Variants in NSMCE2 observed in about 807,000 individuals in gnomAD.
The protein encoded by NSMCE2 is NSE2 SUMO ligase component of SMC5/6 complex, also known as E3 SUMO-protein ligase NSE2.
A neutral mutation model predicts 23.8 loss-of-function variants in NSMCE2; 24 were observed. The ratio of observed to expected loss-of-function variants is 1.01; its 90% confidence interval spans 0.73 to 1.42. The LOEUF is 1.42. Ranked by LOEUF, NSMCE2 falls within the 40% of genes most tolerant of loss-of-function variation. The pLI is 0.00. For synonymous variants in NSMCE2, 92 were observed against 94.1 expected, an observed-to-expected ratio of 0.98 and a Z score of 0.13; for missense variants, 284 against 296.5, an observed-to-expected ratio of 0.96 and a Z score of 0.31.
At chr8:125,315,655 T>TGTAA (rs1829149346) in intron 5 of NSMCE2, among the ~76,000 whole-genome samples, 2 of 152,170 alleles carry the variant, frequency 1.3e-5, no homozygotes, top group African/African-American at 4.8e-5. Flanking sequence ...CCTAAGGAAA[T>TGTAA]GTAAGAGTTT....
At chr8:125,154,983 GA>G (rs1217074833) in intron 4 of NSMCE2, among the ~76,000 whole-genome samples, 2 of 152,052 alleles carry the variant, frequency 1.3e-5, no homozygotes, top group Non-Finnish European at 2.9e-5. Flanking sequence ...ATGAACATTT[GA>G]ATAAATACTC....
chr8:125,255,986 A>G (rs1271770923), intron 5 of NSMCE2, among the ~76,000 whole-genome samples: 3 of 152,184 alleles, frequency 2.0e-5, no homozygotes, highest in Non-Finnish European at 2.9e-5. Context: ...TTTAGAGGGT[A>G]AAAAGAATAC....
intron 5 of NSMCE2, among the ~76,000 whole-genome samples, chr8:125,237,581 A>G (rs1438313603): frequency 1.3e-5 from 2 of 152,226 alleles, no homozygotes; most frequent in African/African-American, 4.8e-5. Context: ...TCAAGGAGAT[A>G]ATTCACTATC....
At chr8:125,092,816 G>A (rs1817734086) in intron 1 of NSMCE2, among the ~76,000 whole-genome samples, 1 of 152,180 alleles carries the variant, frequency 6.6e-6, no homozygotes, top group South Asian at 2.1e-4. Flanking sequence ...CCTGGGGAGG[G>A]ATCCAAGAGA....
At chr8:125,234,061 C>T (rs1463165327) in intron 5 of NSMCE2, among the ~76,000 whole-genome samples, 1 of 150,076 alleles carries the variant, frequency 6.7e-6, no homozygotes, top group Non-Finnish European at 1.5e-5. Flanking sequence ...GGTATGGTGT[C>T]AGGCGCCTGT....
At chr8:125,145,281 T>C (rs1820611221) in intron 3 of NSMCE2, among the ~76,000 whole-genome samples, 1 of 152,110 alleles carries the variant, frequency 6.6e-6, no homozygotes. Flanking sequence ...ACATGCAGGT[T>C]TATAGGATGA....
intron 5 of NSMCE2, among the ~76,000 whole-genome samples, chr8:125,294,398 C>T (rs565630399): frequency 9.4e-4 from 143 of 152,140 alleles, no homozygotes; most frequent in Non-Finnish European, 1.8e-3. Context: ...AAAAGGACTG[C>T]GCCATTTTAC....
chr8:125,147,316 A>G (rs1418977423), intron 3 of NSMCE2, among the ~76,000 whole-genome samples: 3 of 152,228 alleles, frequency 2.0e-5, no homozygotes, highest in Non-Finnish European at 4.4e-5. Flanking sequence ...GTGAAAGTTT[A>G]ATTTTCAGAT....
At chr8:125,361,714 C>T (rs1394221075) in intron 7 of NSMCE2, among the ~76,000 whole-genome samples, 1 of 152,182 alleles carries the variant, frequency 6.6e-6, no homozygotes, top group Non-Finnish European at 1.5e-5. Flanking sequence ...GAGCGCTAAA[C>T]AAATAGCTGT....
chr8:125,173,086 T>A (rs1822300825), intron 4 of NSMCE2, among the ~76,000 whole-genome samples: 1 of 152,220 alleles, frequency 6.6e-6, no homozygotes, highest in Non-Finnish European at 1.5e-5. Context: ...AACAATCTTC[T>A]TTACCCTTGA....
chr8:125,239,435 C>A (rs1276971117), intron 5 of NSMCE2, among the ~76,000 whole-genome samples: 1 of 151,810 alleles, frequency 6.6e-6, no homozygotes, highest in Non-Finnish European at 1.5e-5. Flanking sequence ...ATGATAAAGC[C>A]CCATCTCTAT....
At chr8:125,317,720 T>C (rs987651892) in intron 5 of NSMCE2, among the ~76,000 whole-genome samples, 5 of 152,228 alleles carry the variant, frequency 3.3e-5, no homozygotes, top group African/African-American at 1.2e-4. Context: ...GTATTTCACT[T>C]GTTAATTATG....
chr8:125,136,815 A>C (rs1183580303), intron 3 of NSMCE2, among the ~76,000 whole-genome samples: 2 of 152,126 alleles, frequency 1.3e-5, no homozygotes, highest in African/African-American at 4.8e-5. Context: ...ACAATCTTGG[A>C]AGTCACTGAT....
rs977543094 is a variant in NSMCE2 at position 125,298,956 on chromosome 8, G to A, written c.419-58263G>A. ...TAGTTGTTCCTCCGATCCTTAAAAT[G>A]AACTTCCTTGCCCCCATTTATTGCT... On this transcript the variant is annotated intron_variant, in intron 5 of 7. Coordinates refer to ENST00000287437, the MANE Select transcript of NSMCE2 (RefSeq NM_173685.4). Among the ~76,000 whole-genome samples, 7 of 152,254 alleles carry A rather than the reference G, an allele frequency of 4.6e-5. No homozygotes were observed. The East Asian group carries it at 1.3e-3, about 29-fold the overall frequency.
intron 5 of NSMCE2, among the ~76,000 whole-genome samples, chr8:125,305,338 A>G (rs145813037): frequency 8.9e-4 from 135 of 152,308 alleles, no homozygotes; most frequent in Admixed American, 2.9e-3. Context: ...ATAGCTAGCT[A>G]GTCAGTGTCT....
At chr8:125,259,143 C>T (rs921491277) in intron 5 of NSMCE2, among the ~76,000 whole-genome samples, 4 of 151,990 alleles carry the variant, frequency 2.6e-5, no homozygotes, top group East Asian at 1.9e-4. Context: ...TCAGGTGATC[C>T]GCCCACTTCA....
chr8:125,194,931 T>A (rs980291500), intron 5 of NSMCE2, among the ~76,000 whole-genome samples: 14 of 152,206 alleles, frequency 9.2e-5, no homozygotes, highest in Admixed American at 8.5e-4. Context: ...GCATATCTTC[T>A]ACATTTATTC....
chr8:125,337,884 C>CAAAAA (rs35658538), intron 5 of NSMCE2, among the ~76,000 whole-genome samples: 20 of 97,316 alleles, frequency 2.1e-4, no homozygotes, highest in South Asian at 1.1e-3. Context: ...AACTCTATCT[C>CAAAAA]AAAAAAAAAA....
chr8:125,342,550 C>T (rs1004959676), intron 5 of NSMCE2, among the ~76,000 whole-genome samples: 1 of 152,134 alleles, frequency 6.6e-6, no homozygotes, highest in Non-Finnish European at 1.5e-5. Context: ...CTTTGTTCTA[C>T]GATGCTGACT....
Sources: allele counts gnomAD v4.1 joint callset (sites outside exome capture counted in the v4.1 genomes callset), GRCh38; gene constraint gnomAD v4.1.1; transcripts MANE v1.5; gene names NCBI Gene and HGNC (gene_info 2026-07-23, HGNC 2026-07-21).